The following CDH12 variants were observed in gnomAD, a reference collection of about 807,000 sequenced individuals.
CDH12 encodes the protein cadherin-12.
In CDH12, 41 loss-of-function variants were observed where a neutral mutation model predicts 74.1. The ratio of observed to expected loss-of-function variants is 0.55; its 90% CI spans 0.43 to 0.72. CDH12 has a LOEUF of 0.72. Ranked by LOEUF, CDH12 falls within the 30% of genes least tolerant of loss-of-function variation. The pLI is 0.00. For synonymous variants in CDH12, 399 were observed against 355.0 expected (o/e 1.12, Z -1.39); for missense variants, 945 against 977.2 (o/e 0.97, Z 0.44).
chr5:22,484,161 A>T (rs1387957458), intron 2 of CDH12, among the ~76,000 whole-genome samples: 1 of 152,120 alleles, frequency 6.6e-6, no homozygotes, highest in African/African-American at 2.4e-5. Flanking sequence ...CTCCAGAAAC[A>T]TCATTTTTCT....
At chr5:22,840,219 C>A (rs1307051629) in intron 1 of CDH12, among the ~76,000 whole-genome samples, 1 of 152,130 alleles carries the variant, frequency 6.6e-6, no homozygotes, top group African/African-American at 2.4e-5. Context: ...CTCCTGGGTT[C>A]AAGTGATTCT....
At chr5:21,899,870 G>A (rs1241330797) in intron 6 of CDH12, among the ~76,000 whole-genome samples, 6 of 151,594 alleles carry the variant, frequency 4.0e-5, no homozygotes, top group Admixed American at 6.6e-5. Flanking sequence ...AATTCATTTT[G>A]TTCTTACAAT....
At chr5:22,408,938 T>G (rs1165495475) in intron 2 of CDH12, among the ~76,000 whole-genome samples, 1 of 152,014 alleles carries the variant, frequency 6.6e-6, no homozygotes. Context: ...CCTATCAGTA[T>G]TCTACAATAA....
At chr5:22,298,881 A>T (rs986565695) in intron 3 of CDH12, among the ~76,000 whole-genome samples, 1 of 152,054 alleles carries the variant, frequency 6.6e-6, no homozygotes, top group Non-Finnish European at 1.5e-5. Context: ...CTTCCTCTTG[A>T]CTCCATATAA....
chr5:22,790,818 T>C (rs1455329167), intron 1 of CDH12, among the ~76,000 whole-genome samples: 1 of 152,084 alleles, frequency 6.6e-6, no homozygotes, highest in Non-Finnish European at 1.5e-5. Flanking sequence ...CAAGGATTAT[T>C]GGGATTGAGC....
chr5:22,493,971 G>A (rs184417769), intron 2 of CDH12, among the ~76,000 whole-genome samples: 12 of 152,248 alleles, frequency 7.9e-5, no homozygotes, highest in Non-Finnish European at 1.5e-4. Context: ...CAGGGTTGGG[G>A]GAGGCAGTGT....
At chr5:22,020,102 T>C (rs1313032677) in intron 5 of CDH12, among the ~76,000 whole-genome samples, 1 of 152,186 alleles carries the variant, frequency 6.6e-6, no homozygotes, top group Non-Finnish European at 1.5e-5. Context: ...TTCAGATACA[T>C]GTTGAGGTTT....
At chr5:22,823,127 G>A (rs542423755) in intron 1 of CDH12, among the ~76,000 whole-genome samples, 9 of 150,808 alleles carry the variant, frequency 6.0e-5, no homozygotes, top group South Asian at 2.1e-4. Context: ...GCAAACTATC[G>A]CAAGGACAAA....
intron 3 of CDH12, among the ~76,000 whole-genome samples, chr5:22,342,252 A>C (rs1159025928): frequency 6.6e-6 from 1 of 152,204 alleles, no homozygotes; most frequent in Non-Finnish European, 1.5e-5. Context: ...TGAGGAGCAC[A>C]AAAGCATTCA....
At chr5:21,843,848 T>C (rs1432362767) in intron 7 of CDH12, among the ~76,000 whole-genome samples, 1 of 152,192 alleles carries the variant, frequency 6.6e-6, no homozygotes, top group African/African-American at 2.4e-5. Context: ...GACTTCTGCC[T>C]GACATACAAT....
At chr5:22,463,232 T>C (rs940198122) in intron 2 of CDH12, among the ~76,000 whole-genome samples, 1 of 151,238 alleles carries the variant, frequency 6.6e-6, no homozygotes, top group Non-Finnish European at 1.5e-5. Flanking sequence ...TACATTTGTG[T>C]GTGTGTAAAA....
chr5:22,720,811 T>C (rs1432212051), intron 1 of CDH12, among the ~76,000 whole-genome samples: 1 of 152,116 alleles, frequency 6.6e-6, no homozygotes, highest in Non-Finnish European at 1.5e-5. Flanking sequence ...ACCCTTGCTA[T>C]GGTTTAGCAA....
rs146368106 is a variant in CDH12 at position 21,860,120 on chromosome 5, G to A, written c.527-5330C>T. ...TATACCAGCCACGACCACGTGACTC[G>A]TTGCAGAAATGAGTACTGTAATTGT... is the stretch of plus-strand genomic sequence containing the variant. On this transcript the variant is annotated intron_variant, in intron 6 of 14. Transcript: ENST00000382254. Among the ~76,000 whole-genome samples the A allele has an allele frequency of 3.5e-3, 536 of 152,120 alleles. 3 individuals are homozygous for A. Among genetic ancestry groups the A allele is most frequent in the Middle Eastern group, 0.01 (3 of 294 alleles).
chr5:22,618,647 C>A (rs1737805451), intron 1 of CDH12, among the ~76,000 whole-genome samples: 1 of 152,126 alleles, frequency 6.6e-6, no homozygotes, highest in Non-Finnish European at 1.5e-5. Flanking sequence ...AGGATATATT[C>A]TTGCCTCTAT....
At chr5:21,793,249 G>C (rs146550862) in intron 10 of CDH12, among the ~76,000 whole-genome samples, 1 of 151,546 alleles carries the variant, frequency 6.6e-6, no homozygotes, top group East Asian at 1.9e-4. Context: ...CTACCTATTT[G>C]AATTGGTGTT....
At chr5:22,015,024 T>C (rs901729880) in intron 5 of CDH12, among the ~76,000 whole-genome samples, 17 of 152,256 alleles carry the variant, frequency 1.1e-4, no homozygotes, top group African/African-American at 4.1e-4. Context: ...TATTCTTCCC[T>C]GTAAATCTAA....
chr5:22,101,639 T>G (rs1744145362), intron 4 of CDH12, among the ~76,000 whole-genome samples: 1 of 152,164 alleles, frequency 6.6e-6, no homozygotes. Context: ...AAAAGAAAAC[T>G]CAAAAATTAA....
intron 4 of CDH12, among the ~76,000 whole-genome samples, chr5:22,207,176 G>A (rs543645869): frequency 2.8e-4 from 39 of 138,270 alleles, no homozygotes; most frequent in Admixed American, 2.1e-3. Flanking sequence ...CTGAGATTGC[G>A]CCACTGCACT....
intron 1 of CDH12, among the ~76,000 whole-genome samples, chr5:22,622,642 T>C (rs28857597): frequency 0.043 from 6,605 of 152,190 alleles, 459 homozygotes; most frequent in African/African-American, 0.14. Flanking sequence ...AATCCCTGAA[T>C]AGACCAATAA....
Sources: gnomAD v4.1 joint callset for allele counts (sites outside exome capture counted in the v4.1 genomes callset) on GRCh38, gnomAD v4.1.1 for gene constraint, MANE v1.5 for transcripts, NCBI Gene and HGNC (gene_info 2026-07-23, HGNC 2026-07-21) for gene names.